The following CDH13 variants were observed in gnomAD, a reference collection of about 807,000 sequenced individuals.
The protein encoded by CDH13 is cadherin 13.
Under a neutral mutation model 63.8 loss-of-function variants are expected in CDH13, and 24 were observed. The observed-to-expected ratio is 0.38, with a 90% CI of 0.27 to 0.53. The LOEUF (loss-of-function observed/expected upper bound fraction) is 0.53, where lower values mean the gene tolerates loss of function less well. CDH13 is among the 20% of genes least tolerant of loss of function. The pLI, the probability that CDH13 is intolerant of heterozygous loss-of-function variation, is 0.85. For synonymous variants in CDH13, 503 were observed against 355.3 expected (o/e 1.42, Z -4.67); for missense variants, 1,049 against 903.1 (o/e 1.16, Z -2.07).
At chr16:83,407,797 G>A (rs17213769) in intron 6 of CDH13, among the ~76,000 whole-genome samples, 8,347 of 152,122 alleles carry the variant, frequency 0.055, 220 homozygotes, top group Non-Finnish European at 0.061. Flanking sequence ...CCAGCATTGC[G>A]CATTAGAAGT....
At chr16:83,129,195 A>T (rs182742724) in intron 4 of CDH13, among the ~76,000 whole-genome samples, 8 of 152,276 alleles carry the variant, frequency 5.3e-5, no homozygotes, top group African/African-American at 1.9e-4. Flanking sequence ...AAGGAAGACC[A>T]CAGAGGCAGA....
chr16:83,098,799 G>C (rs1389902865), intron 3 of CDH13, among the ~76,000 whole-genome samples: 3 of 152,076 alleles, frequency 2.0e-5, no homozygotes, highest in African/African-American at 7.2e-5. Flanking sequence ...TTTTATTAGT[G>C]GTTTTGAGCA....
intron 4 of CDH13, among the ~76,000 whole-genome samples, chr16:83,175,939 C>T (rs2151736284): frequency 6.6e-6 from 1 of 151,236 alleles, no homozygotes; most frequent in South Asian, 2.1e-4. Flanking sequence ...AGCGATTCTC[C>T]TGCCTCAGCC....
chr16:82,772,008 G>T (rs761375094), intron 1 of CDH13, among the ~76,000 whole-genome samples: 7 of 152,210 alleles, frequency 4.6e-5, no homozygotes, highest in Non-Finnish European at 8.8e-5. Flanking sequence ...AGATGCTTCT[G>T]TACTTCATGT....
At chr16:83,014,842 G>GTATATATATATGTATA (rs369072006) in intron 2 of CDH13, among the ~76,000 whole-genome samples, 117 of 35,832 alleles carry the variant, frequency 3.3e-3, no homozygotes, top group Admixed American at 4.2e-3. Flanking sequence ...ATATATATTT[G>GTATATATATATGTATA]TATATATATA....
At chr16:82,824,677 G>A (rs1295961433) in intron 1 of CDH13, 1 of 152,048 alleles carries the variant, frequency 6.6e-6, no homozygotes. Context: ...TTCCACTGTG[G>A]AAACAATCCA....
chr16:83,090,182 A>G (rs1028446176), intron 3 of CDH13, among the ~76,000 whole-genome samples: 4 of 151,960 alleles, frequency 2.6e-5, no homozygotes, highest in Non-Finnish European at 2.9e-5. Flanking sequence ...ACTACCTCCC[A>G]CTTTTCCTCA....
intron 8 of CDH13, among the ~76,000 whole-genome samples, chr16:83,644,989 T>A (rs1161819923): frequency 6.6e-6 from 1 of 152,144 alleles, no homozygotes; most frequent in African/African-American, 2.4e-5. Flanking sequence ...ACCTACAAGC[T>A]CCCCACTCTT....
In CDH13 at chr16:83,599,379, G is replaced by A. The variant is rs910386673; in HGVS notation, c.961-3075G>A. 5.3e-5 allele frequency among the ~76,000 whole-genome samples: 8 copies of A among 152,142 alleles called. 1 individual carries two copies. The highest frequency in any genetic ancestry group is 2.1e-4 in the South Asian group (1 of 4,830). ...CTGAGATCAAAAGCTAAACATTCTC[G>A]TAGGACTGGTATAAAAGTTAGTAAC... On this transcript the variant is annotated intron_variant, in intron 7 of 13. Coordinates refer to ENST00000567109, the MANE Select transcript of CDH13 (RefSeq NM_001257.5).
intron 6 of CDH13, among the ~76,000 whole-genome samples, chr16:83,428,217 C>T (rs774960155): frequency 2.0e-5 from 3 of 152,064 alleles, no homozygotes; most frequent in Admixed American, 2.0e-4. Context: ...ATGTGACCTT[C>T]CATGGGATCC....
At chr16:83,665,016 C>A (rs1697512097) in intron 8 of CDH13, among the ~76,000 whole-genome samples, 1 of 152,132 alleles carries the variant, frequency 6.6e-6, no homozygotes, top group African/African-American at 2.4e-5. Flanking sequence ...TATCTTTCCG[C>A]CATGAGATAA....
At chr16:83,024,485 C>G (rs1410580528) in intron 2 of CDH13, among the ~76,000 whole-genome samples, 1 of 152,050 alleles carries the variant, frequency 6.6e-6, no homozygotes, top group East Asian at 1.9e-4. Context: ...TGGCATAGCC[C>G]TCAGGAGTGT....
intron 10 of CDH13, among the ~76,000 whole-genome samples, chr16:83,688,523 C>T (rs1267736182): frequency 6.6e-6 from 1 of 152,190 alleles, no homozygotes; most frequent in Non-Finnish European, 1.5e-5. Context: ...AGAAGGCCTT[C>T]ATCTTCTAAA....
intron 4 of CDH13, among the ~76,000 whole-genome samples, chr16:83,160,824 A>G (rs188281560): frequency 6.6e-6 from 1 of 152,368 alleles, no homozygotes; most frequent in Admixed American, 6.5e-5. Flanking sequence ...AAAGGATGTT[A>G]AAGATGTTTT....
At chr16:83,705,911 T>C (rs1306793820) in intron 10 of CDH13, among the ~76,000 whole-genome samples, 1 of 152,128 alleles carries the variant, frequency 6.6e-6, no homozygotes, top group Non-Finnish European at 1.5e-5. Context: ...GGTGGGAGAG[T>C]AGATAAGTCT....
At chr16:83,272,172 A>G (rs1264242908) in intron 5 of CDH13, among the ~76,000 whole-genome samples, 1 of 152,216 alleles carries the variant, frequency 6.6e-6, no homozygotes, top group Non-Finnish European at 1.5e-5. Flanking sequence ...AATAAGATGA[A>G]GTCTCCAGCC....
intron 1 of CDH13, among the ~76,000 whole-genome samples, chr16:82,710,529 T>C (rs1299545676): frequency 1.4e-4 from 5 of 35,190 alleles, no homozygotes; most frequent in Non-Finnish European, 2.5e-4. Context: ...TGAGACTCTG[T>C]CTCAAAAAAA....
intron 4 of CDH13, among the ~76,000 whole-genome samples, chr16:83,143,662 C>T (rs1161215224): frequency 6.6e-6 from 1 of 152,142 alleles, no homozygotes; most frequent in Non-Finnish European, 1.5e-5. Context: ...GTTAAAATCT[C>T]AGGGACAAGA....
intron 3 of CDH13, among the ~76,000 whole-genome samples, chr16:83,107,872 T>G (rs1253885536): frequency 6.6e-6 from 1 of 151,990 alleles, no homozygotes; most frequent in Non-Finnish European, 1.5e-5. Flanking sequence ...CAGGCTGGAG[T>G]GCATTGGTGT....
Sources: gnomAD v4.1 joint callset for allele counts (sites outside exome capture counted in the v4.1 genomes callset) on GRCh38, gnomAD v4.1.1 for gene constraint, MANE v1.5 for transcripts, NCBI Gene and HGNC (gene_info 2026-07-23, HGNC 2026-07-21) for gene names.